Variants in CD5 observed in about 807,000 individuals in gnomAD.
CD5 encodes T-cell surface glycoprotein CD5.
CD5 carries 36 observed loss-of-function variants against 60.3 expected under a neutral mutation model. That is an observed-to-expected ratio of 0.60 (90% CI 0.46 to 0.79). The LOEUF (loss-of-function observed/expected upper bound fraction) is 0.79, where lower values mean the gene tolerates loss of function less well. CD5 is among the 30% of genes least tolerant of loss of function. The pLI is 0.00. For synonymous variants in CD5, 230 were observed against 257.6 expected, an observed-to-expected ratio of 0.89 and a Z score of 1.03; for missense variants, 540 against 630.6, an observed-to-expected ratio of 0.86 and a Z score of 1.54.
At chr11:61,095,059 A>T in the CD5 span, among the ~76,000 whole-genome samples, 1 of 152,106 alleles carries the variant, frequency 6.6e-6, no homozygotes, top group South Asian at 2.1e-4. Flanking sequence ...TCTCGATCCC[A>T]CCCGCCGAGG....
intron 1 of CD5, among the ~76,000 whole-genome samples, chr11:61,105,541 A>G (rs1418049731): frequency 6.6e-6 from 1 of 152,122 alleles, no homozygotes; most frequent in Non-Finnish European, 1.5e-5. Flanking sequence ...AACAGCAACA[A>G]CTATGATTAT....
upstream of CD5, among the ~76,000 whole-genome samples, chr11:61,101,455 C>T (rs1186561879): frequency 1.4e-5 from 2 of 143,962 alleles, no homozygotes; most frequent in African/African-American, 2.6e-5. Flanking sequence ...TTCACACACA[C>T]AAACATGGAG....
intron 1 of CD5, among the ~76,000 whole-genome samples, chr11:61,114,509 C>A (rs576037416): frequency 6.6e-6 from 1 of 152,242 alleles, no homozygotes; most frequent in South Asian, 2.1e-4. Flanking sequence ...GGCATAGTGG[C>A]TCATGCCTGT....
intron 1 of CD5, among the ~76,000 whole-genome samples, chr11:61,111,928 T>C (rs1860861049): frequency 6.6e-6 from 1 of 152,206 alleles, no homozygotes; most frequent in Non-Finnish European, 1.5e-5. Context: ...GCTAGTCCCA[T>C]GCTCATCCTC....
At chr11:61,100,270 C>CACATCAACATGGAGATCACACAT (rs1860648799), upstream of CD5, among the ~76,000 whole-genome samples, 1 of 135,770 alleles carries the variant, frequency 7.4e-6, no homozygotes, top group Admixed American at 7.1e-5. Flanking sequence ...AGATCACACA[C>CACATCAACATGGAGATCACACAT]ACATCAACAT....
Position 61,118,193 on chromosome 11 carries a change from C to A in CD5, c.113C>A (p.Thr38Asn), listed in dbSNP as rs754367132. 1.2e-6 allele frequency: 2 copies of A among 1,613,954 alleles called. No individual in the cohort carries two copies. The highest frequency in any genetic ancestry group is 1.7e-5 in the Admixed American group (1 of 60,034). Residue 38 changes from threonine to asparagine, a missense_variant, in exon 3 of 11, where the codon ACC (threonine) becomes AAC (asparagine). Transcript: ENST00000347785. This position sits in a 1 kb window ranked among gnomAD's most constrained non-coding sequence, Gnocchi z 4.7. ...WYDPDFQARL[T>N]RSNSKCQGQL... ...CCCCCAGATTTCCAGGCAAGGCTCACCCGTTCCAACTCGAAGTGCCAGGGC... is the reference window on the plus strand; with the variant it reads ...CCCCCAGATTTCCAGGCAAGGCTCAACCGTTCCAACTCGAAGTGCCAGGGC...
Position 61,119,542 on chromosome 11 carries a change from A to G in CD5, c.772A>G (p.Lys258Glu). ...TTGCTTCAGGAAAATCAAGCCCCAG[A>G]AAAGTGGCCGAGTTCTTGCCCTCCT... ...EHCFRKIKPQ[K>E]SGRVLALLCS... The change falls in exon 5 of 11, where the codon AAA (lysine) becomes GAA (glutamate). Residue 258 changes from lysine (K) to glutamate (E), a missense_variant. By Grantham distance (56) the Lys-to-Glu change is moderately conservative. Transcript: ENST00000347785. 6.2e-7 allele frequency: 1 copy of G among 1,613,148 alleles called. No homozygotes were observed. Among genetic ancestry groups the G allele is most frequent in the Non-Finnish European group, 8.5e-7 (1 of 1,179,826 alleles).
chr11:61,127,016 G>A lies in CD5; in HGVS notation c.*731G>A, dbSNP rs1361868698. The stretch of plus-strand genomic sequence containing the variant: ...CCACAGGGCACCAGTGCCACCCAGG[G>A]CCCGGCACAAAGGGGCGCCTAGTAA... On this transcript the variant is annotated 3_prime_UTR_variant, in exon 11 of 11. Transcript: ENST00000347785. 1 of 152,252 alleles carries A rather than the reference G, an allele frequency of 6.6e-6. No homozygotes were observed. Among genetic ancestry groups the A allele is most frequent in the Non-Finnish European group, 1.5e-5 (1 of 68,070 alleles). The allele number at this position is 152,252 out of a possible 1,614,324, so 9.4% of individuals were successfully genotyped here.
rs1355984556 is a variant in CD5 at position 61,127,132 on chromosome 11, A to G, written c.*847A>G. 6.6e-6 allele frequency: 1 copy of G among 152,210 alleles called. No homozygotes were observed. The highest frequency in any genetic ancestry group is 6.5e-5 in the Admixed American group (1 of 15,282). 9.4% of individuals were successfully genotyped at this position (152,210 alleles called of 1,614,324 possible). ...TCCATCACAGTTCATCTTCTAACCC[A>G]AGAGTCAGAGATGGGGCTGGTCATG... On this transcript the variant is annotated 3_prime_UTR_variant, in exon 11 of 11. Transcript: ENST00000347785.
Position 61,121,794 on chromosome 11 carries a change from T to G in CD5, c.989T>G (p.Leu330Arg), listed in dbSNP as rs148192367. 3.1e-6 allele frequency: 5 copies of G among 1,610,672 alleles called. No individual in the cohort carries two copies. The highest frequency in any genetic ancestry group is 4.2e-6 in the Non-Finnish European group (5 of 1,177,458). Residue 330 changes from leucine (L) to arginine (R), a missense_variant, in exon 6 of 11, where the codon CTG becomes CGG. Transcript: ENST00000347785. ...QCGSVNSYRV[L>R]DAGDPTSRGL... ...GGCAGCGTCAACTCCTATCGAGTGCTGGACGCTGGTGACCCAACATCCCGG... is the reference window on the plus strand; with the variant it reads ...GGCAGCGTCAACTCCTATCGAGTGCGGGACGCTGGTGACCCAACATCCCGG...
In CD5 at chr11:61,125,763, C is replaced by T. The variant is rs2229177; in HGVS notation, c.1412C>T (p.Ala471Val). 0.54 allele frequency: 866,406 copies of T among 1,606,602 alleles called. 243,783 individuals carry two copies. The highest frequency in any genetic ancestry group is 1 in the East Asian group (44,582 of 44,786). ...TTTCTTTCCCCAGCTCTGGAAGGGG[C>T]TCTGCATCGCTCCTCCATGCAGCCT... ...HLSAYPALEG[A>V]LHRSSMQPDN... Residue 471 changes from alanine to valine, a missense_variant, in exon 10 of 11, where the codon GCT becomes GTT. Ala to Val is a moderately conservative substitution (Grantham distance 64, BLOSUM62 0). Transcript: ENST00000347785.
chr11:61,109,335 A>G (rs920699597), intron 1 of CD5, among the ~76,000 whole-genome samples: 1 of 152,214 alleles, frequency 6.6e-6, no homozygotes, highest in African/African-American at 2.4e-5. Context: ...GTTTGAAGCC[A>G]GGTCTCTCCA....
At chr11:61,102,250 C>A, upstream of CD5, 1 of 401,654 alleles carries the variant, frequency 2.5e-6, no homozygotes, top group Admixed American at 4.3e-5. Flanking sequence ...CAGCCCTGTC[C>A]CTCCAGGATG....
chr11:61,096,285 G>A, the CD5 span, among the ~76,000 whole-genome samples: 8 of 152,254 alleles, frequency 5.3e-5, no homozygotes, highest in Non-Finnish European at 8.8e-5. Flanking sequence ...AAAGACCTCA[G>A]ATAAAGATGA....
intron 2 of CD5, among the ~76,000 whole-genome samples, chr11:61,116,951 ACACATGTCTACCCATGAC>A (rs1209680887): frequency 1.3e-5 from 2 of 151,894 alleles, no homozygotes; most frequent in African/African-American, 4.8e-5. Flanking sequence ...ATCACACAAG[ACACATGTCTACCCATGAC>A]CCAGCAATTC....
the CD5 span, among the ~76,000 whole-genome samples, chr11:61,094,049 C>T: frequency 6.6e-6 from 1 of 152,090 alleles, no homozygotes; most frequent in African/African-American, 2.4e-5. Flanking sequence ...TGTCCTGCTA[C>T]ATTTCTTGGT....
In CD5 at chr11:61,118,555, T is replaced by G; in HGVS notation, c.400+75T>G. 1 of 1,468,198 alleles carries G rather than the reference T, an allele frequency of 6.8e-7. No homozygotes were observed. The highest frequency in any genetic ancestry group is 9.3e-7 in the Non-Finnish European group (1 of 1,070,788). 90.9% of individuals were successfully genotyped at this position (1,468,198 alleles called of 1,614,324 possible). ...CGAGGAGACTGCCCGAGGCCTGTGA[T>G]CTAGGGTCTGAGCAGGCTGGTGGAA... is the stretch of plus-strand genomic sequence containing the variant. On this transcript the variant is annotated intron_variant, in intron 3 of 10. Transcript: ENST00000347785. This position sits in a 1 kb window ranked among gnomAD's most constrained non-coding sequence, Gnocchi z 4.7.
chr11:61,127,762 A>G lies in CD5; in HGVS notation c.*1477A>G, dbSNP rs1261590389. On this transcript the variant is annotated 3_prime_UTR_variant, in exon 11 of 11. Coordinates refer to ENST00000347785, the MANE Select transcript of CD5 (RefSeq NM_014207.4). ...TGCCTTTTTTAATAAAAGCTCTTTC[A>G]TCTATAGTTTGGCCACCATACAGTG... The G allele has an allele frequency of 6.6e-6, 1 of 152,166 alleles. No homozygotes were observed. Among genetic ancestry groups the G allele is most frequent in the Non-Finnish European group, 1.5e-5 (1 of 68,048 alleles). 9.4% of individuals were successfully genotyped at this position (152,166 alleles called of 1,614,324 possible). A position where few individuals can be genotyped will look rare whatever the true frequency, so the allele number is the denominator to read the frequency against.
chr11:61,121,314 G>A (rs559502417), intron 5 of CD5, among the ~76,000 whole-genome samples: 9 of 152,382 alleles, frequency 5.9e-5, no homozygotes, highest in African/African-American at 1.7e-4. Flanking sequence ...GCATGGAGCC[G>A]ACTCCCTGCT....
Sources: allele counts gnomAD v4.1 joint callset (sites outside exome capture counted in the v4.1 genomes callset), GRCh38; gene constraint gnomAD v4.1.1; non-coding constraint Gnocchi (gnomAD v3.1); transcripts MANE v1.5; gene names NCBI Gene and HGNC (gene_info 2026-07-23, HGNC 2026-07-21).